Variants in ADD2 observed in about 807,000 individuals in gnomAD.
ADD2 encodes beta-adducin.
A neutral mutation model predicts 83.0 loss-of-function variants in ADD2; 23 were observed. That is an observed-to-expected ratio of 0.28 (90% CI 0.20 to 0.39). The LOEUF is 0.39. Ranked by LOEUF, ADD2 falls within the 10% of genes least tolerant of loss-of-function variation. The probability of loss-of-function intolerance (pLI) is 1.00; values close to 1 mark genes in which losing one functional copy is unlikely to be tolerated. For missense variants in ADD2, 758 were observed against 944.9 expected, an observed-to-expected ratio of 0.80 and a Z score of 2.59; for synonymous variants, 375 against 375.4, an observed-to-expected ratio of 1.00 and a Z score of 0.01.
At chr2:70,666,292 C>A (rs977545814) in intron 15 of ADD2, among the ~76,000 whole-genome samples, 1 of 152,222 alleles carries the variant, frequency 6.6e-6, no homozygotes, top group Non-Finnish European at 1.5e-5. Flanking sequence ...TTATTCTAAC[C>A]AAGCCAATAT....
chr2:70,663,796 G>A, intron 15 of ADD2, 61 bp from the exon 16 acceptor site: 2 of 1,505,656 alleles, frequency 1.3e-6, no homozygotes, highest in Non-Finnish European at 1.8e-6. Context: ...CTTCCACCTG[G>A]GGCTAACAGA....
At chr2:70,741,029 T>A (rs1216506744) in intron 1 of ADD2, among the ~76,000 whole-genome samples, 1 of 152,184 alleles carries the variant, frequency 6.6e-6, no homozygotes, top group Non-Finnish European at 1.5e-5. Flanking sequence ...GATGGGTCCT[T>A]TAAAATGTGA....
chr2:70,692,299 T>G lies in ADD2; in HGVS notation c.705+104A>C, dbSNP rs1553371799. The stretch of plus-strand genomic sequence containing the variant: ...CGTTGGGAGTTCTCTCGCTTCACCT[T>G]GGCCTGAGTTCTAGATCTTTCCAGA... On this transcript the variant is annotated intron_variant, in intron 7 of 15. Coordinates refer to ENST00000264436, the MANE Select transcript of ADD2 (RefSeq NM_001617.4). The G allele has an allele frequency of 3.0e-6, 4 of 1,316,452 alleles. No homozygotes were observed. The African/African-American group carries it at 6.0e-5, about 20-fold the overall frequency. The allele number at this position is 1,316,452 out of a possible 1,614,324, so 81.5% of individuals were successfully genotyped here. A position where few individuals can be genotyped will look rare whatever the true frequency, so the allele number is the denominator to read the frequency against.
At chr2:70,667,893 A>G (rs560022267) in intron 15 of ADD2, among the ~76,000 whole-genome samples, 1 of 152,312 alleles carries the variant, frequency 6.6e-6, no homozygotes, top group East Asian at 1.9e-4. Context: ...TGCTGGGATT[A>G]CAGGTGTGAG....
intron 14 of ADD2, 22 bp from the exon 15 acceptor site, chr2:70,673,028 T>C: frequency 1.2e-6 from 2 of 1,608,680 alleles, no homozygotes; most frequent in East Asian, 2.2e-5. Flanking sequence ...GAAAAACACC[T>C]CAGGATAGAG....
chr2:70,747,235 C>T (rs997208265), intron 1 of ADD2, among the ~76,000 whole-genome samples: 1 of 152,152 alleles, frequency 6.6e-6, no homozygotes, highest in Non-Finnish European at 1.5e-5. Flanking sequence ...TGGTCTCGAT[C>T]TCCTGACCTC....
chr2:70,747,290 G>A (rs1674260167), intron 1 of ADD2, among the ~76,000 whole-genome samples: 1 of 152,146 alleles, frequency 6.6e-6, no homozygotes, highest in African/African-American at 2.4e-5. Flanking sequence ...GATTACAGGC[G>A]TGAGCCACCA....
rs1007919794 is a variant in ADD2, at chr2:70,713,165, C to T, written c.-134G>A. Reference sequence around the variant, plus strand: ...AGGGTGCCGGCCACATCTACACAACCTCAAACATCCAGGTGGAAACTGCAA... The same window carrying T: ...AGGGTGCCGGCCACATCTACACAACTTCAAACATCCAGGTGGAAACTGCAA... On this transcript the variant is annotated 5_prime_UTR_variant, in exon 2 of 16. Coordinates refer to ENST00000264436, the MANE Select transcript of ADD2 (RefSeq NM_001617.4). 64 of 985,472 alleles carry T rather than the reference C, an allele frequency of 6.5e-5. No individual in the cohort carries two copies. Among genetic ancestry groups the T allele is most frequent in the Non-Finnish European group, 7.3e-5 (61 of 830,070 alleles). The allele number at this position is 985,472 out of a possible 1,614,324, so 61.0% of individuals were successfully genotyped here.
rs868965609 is a variant in ADD2 at position 70,767,567 on chromosome 2, T to G, written c.-154+319A>C. The G allele has an allele frequency of 1.8e-4, 195 of 1,111,670 alleles. 1 individual carries two copies. The Middle Eastern group carries it at 2.1e-3, about 12-fold the overall frequency. The allele number at this position is 1,111,670 out of a possible 1,614,324, so 68.9% of individuals were successfully genotyped here. ...CCGCCCGGCTAGGCGAGGCGAGGCT[T>G]GCCGCCCCTCCATTCGGACCCAAAA... On this transcript the variant is annotated intron_variant, in intron 1 of 15. Transcript: ENST00000264436.
chr2:70,690,771 A>G lies in ADD2; in HGVS notation c.849+15T>C, dbSNP rs1670985388. 1 of 1,606,472 alleles carries G rather than the reference A, an allele frequency of 6.2e-7. No individual in the cohort carries two copies. Among genetic ancestry groups the G allele is most frequent in the Non-Finnish European group, 8.5e-7 (1 of 1,177,024 alleles). On this transcript the variant is annotated intron_variant, in intron 8 of 15. Coordinates refer to ENST00000264436, the MANE Select transcript of ADD2 (RefSeq NM_001617.4). ...ATGCCACTCTAGATTATTGTCCCAGAAGAGCTAAGCTAACCTTGCAGGTGG... is the reference window on the plus strand; with the variant it reads ...ATGCCACTCTAGATTATTGTCCCAGGAGAGCTAAGCTAACCTTGCAGGTGG...
chr2:70,669,914 C>T (rs1574216649), intron 15 of ADD2, among the ~76,000 whole-genome samples: 1 of 152,154 alleles, frequency 6.6e-6, no homozygotes, highest in East Asian at 1.9e-4. Flanking sequence ...CTCAGTGTCC[C>T]AGCTGAGCCC....
At chr2:70,686,392 C>T (rs782469842) in intron 9 of ADD2, among the ~76,000 whole-genome samples, 1 of 152,142 alleles carries the variant, frequency 6.6e-6, no homozygotes, top group Non-Finnish European at 1.5e-5. Flanking sequence ...AAAGTGATAG[C>T]AGCTGAGGGA....
chr2:70,732,641 T>A (rs1274166234), intron 1 of ADD2, among the ~76,000 whole-genome samples: 3 of 152,170 alleles, frequency 2.0e-5, no homozygotes, highest in African/African-American at 7.2e-5. Context: ...GGATCCTGTC[T>A]GTCTAGAGCC....
At chr2:70,694,764 G>A (rs1036243114) in intron 6 of ADD2, among the ~76,000 whole-genome samples, 6 of 152,084 alleles carry the variant, frequency 3.9e-5, no homozygotes, top group Admixed American at 2.0e-4. Flanking sequence ...AGCTCCTGGC[G>A]GGGTAGGGTG....
At chr2:70,707,537 T>C (rs1671965221) in intron 2 of ADD2, among the ~76,000 whole-genome samples, 2 of 109,266 alleles carry the variant, frequency 1.8e-5, no homozygotes, top group African/African-American at 3.7e-5. Context: ...AGTTCCGGGC[T>C]TCACTTCCCG....
At chr2:70,758,302 G>C (rs1236856211) in intron 1 of ADD2, among the ~76,000 whole-genome samples, 1 of 152,144 alleles carries the variant, frequency 6.6e-6, no homozygotes, top group African/African-American at 2.4e-5. Flanking sequence ...CTAGCTTTGT[G>C]AATTTTTTTG....
intron 10 of ADD2, 24 bp from the exon 11 acceptor site, chr2:70,678,985 A>G: frequency 6.4e-7 from 1 of 1,570,614 alleles, no homozygotes; most frequent in South Asian, 1.2e-5. Context: ...AAATAGAACC[A>G]CTTATGGGGT....
At chr2:70,750,043 C>T (rs950056893) in intron 1 of ADD2, among the ~76,000 whole-genome samples, 8 of 152,180 alleles carry the variant, frequency 5.3e-5, no homozygotes, top group Non-Finnish European at 1.0e-4. Context: ...GTTACAGGAC[C>T]TTTCTGAGCC....
chr2:70,695,656 TG>T (rs1671269588), intron 6 of ADD2, 64 bp downstream of exon 6: 2 of 1,484,516 alleles, frequency 1.3e-6, no homozygotes, highest in Middle Eastern at 1.7e-4. Flanking sequence ...GACCTAGCAC[TG>T]TGGGAACAGA....
Sources: allele counts gnomAD v4.1 joint callset (sites outside exome capture counted in the v4.1 genomes callset), GRCh38; gene constraint gnomAD v4.1.1; transcripts MANE v1.5; gene names NCBI Gene and HGNC (gene_info 2026-07-23, HGNC 2026-07-21).